Variants in ZNF420 observed in about 807,000 individuals in gnomAD.
ZNF420 encodes ATM and p53-associated KZNF protein.
Under a neutral mutation model 44.7 loss-of-function variants are expected in ZNF420, and 31 were observed. The ratio of observed to expected loss-of-function variants is 0.69; its 90% CI spans 0.52 to 0.94. The LOEUF (loss-of-function observed/expected upper bound fraction) is 0.94, where lower values mean the gene tolerates loss of function less well. Among genes scored for constraint, ZNF420 ranks in the 40% least tolerant of loss-of-function variants. The pLI is 0.00. For synonymous variants in ZNF420, 245 were observed against 267.4 expected, an observed-to-expected ratio of 0.92 and a Z score of 0.82; for missense variants, 681 against 827.9, an observed-to-expected ratio of 0.82 and a Z score of 2.18.
intron 4 of ZNF420, among the ~76,000 whole-genome samples, chr19:37,112,076 C>CA (rs1385233509): frequency 2.0e-5 from 3 of 152,020 alleles, no homozygotes; most frequent in African/African-American, 7.3e-5. Flanking sequence ...GTTTTGGTAG[C>CA]AGCCACTGAT....
In ZNF420 at chr19:37,091,111, G is replaced by C. The variant is rs571848573; in HGVS notation, c.126G>C (p.Leu42Phe). Residue 42 changes from leucine to phenylalanine, a missense_variant, in exon 4 of 5, where the codon TTG (leucine) becomes TTC (phenylalanine). Physicochemically the swap from Leu to Phe is conservative, Grantham distance 22. Around this residue, in one of 3 missense-constraint regions of ZNF420, gnomAD observed 350 missense variants for 382.5 expected, o/e 0.92. Coordinates refer to ENST00000337995, the MANE Select transcript of ZNF420 (RefSeq NM_144689.5). ...RDVMLENYSN[L>F]VSLDLPSRCA... Reference sequence around the variant, plus strand: ...TGATGTTGGAGAACTATAGCAACTTGGTATCACTAGGTAAGGAATCTAGCC... The same window carrying C: ...TGATGTTGGAGAACTATAGCAACTTCGTATCACTAGGTAAGGAATCTAGCC... 3.2e-6 allele frequency: 5 copies of C among 1,583,926 alleles called. No homozygotes were observed. The highest frequency in any genetic ancestry group is 2.7e-5 in the African/African-American group (2 of 73,464).
intron 4 of ZNF420, among the ~76,000 whole-genome samples, chr19:37,122,818 C>T (rs1971129655): frequency 6.6e-6 from 1 of 152,076 alleles, no homozygotes; most frequent in Admixed American, 6.5e-5. Context: ...CCTGGGTGAC[C>T]TCATCAAATC....
At position 37,127,820 on chromosome 19, in the gene ZNF420, A is replaced by G; in HGVS notation, c.829A>G (p.Lys277Glu). 6.2e-7 allele frequency: 1 copy of G among 1,613,862 alleles called. No homozygotes were observed. Among genetic ancestry groups the G allele is most frequent in the Non-Finnish European group, 8.5e-7 (1 of 1,179,924 alleles). Residue 277 changes from lysine (K) to glutamate (E), a missense_variant, in exon 5 of 5, where the codon AAG becomes GAG. Transcript: ENST00000337995. ...ACACCAGAGACTTCATACTGGTGAA[A>G]AGCTCTATGAATGTAAAGAATGTAG... is the stretch of plus-strand genomic sequence containing the variant. ...TLHQRLHTGE[K>E]LYECKECRKV...
At position 37,053,540 on chromosome 19, in the gene ZNF420, T is replaced by C. The variant is rs371786137; in HGVS notation, c.-124-26805T>C. 3.3e-3 allele frequency among the ~76,000 whole-genome samples: 503 copies of C among 152,350 alleles called. 5 individuals carry two copies. The highest frequency in any genetic ancestry group is 0.012 in the African/African-American group (481 of 41,584). ...TGGTGACATACCGATGGGGTTTTGG[T>C]GTGGATGTCCTTTCTGTTTGTTAGT... On this transcript the variant is annotated intron_variant, in intron 1 of 4. Coordinates refer to the ZNF420 transcript ENST00000587029.
chr19:37,059,026 C>A (rs1249184872), intron 1 of ZNF420, among the ~76,000 whole-genome samples: 1 of 152,362 alleles, frequency 6.6e-6, no homozygotes, highest in East Asian at 1.9e-4. Context: ...CGAGGCCCTG[C>A]CTGCCTCACC....
At chr19:37,017,041 G>A (rs985553615) in intron 1 of ZNF420, among the ~76,000 whole-genome samples, 3 of 152,154 alleles carry the variant, frequency 2.0e-5, no homozygotes. Flanking sequence ...ATATGAGCAG[G>A]TGACCACATA....
intron 1 of ZNF420, among the ~76,000 whole-genome samples, chr19:37,063,922 T>A (rs1967922379): frequency 6.6e-6 from 1 of 152,226 alleles, no homozygotes; most frequent in Admixed American, 6.5e-5. Flanking sequence ...GTCTCTTTAA[T>A]CTCCTTTAGT....
chr19:37,061,117 C>T (rs1967872391), intron 1 of ZNF420, among the ~76,000 whole-genome samples: 1 of 152,158 alleles, frequency 6.6e-6, no homozygotes. Context: ...CATGCCTGGA[C>T]ACCATTGTTT....
At chr19:37,121,237 A>G (rs1261236687) in intron 4 of ZNF420, among the ~76,000 whole-genome samples, 3 of 147,648 alleles carry the variant, frequency 2.0e-5, no homozygotes, top group Non-Finnish European at 4.5e-5. Context: ...CTACAAGGCT[A>G]CAGTAACCAA....
At chr19:37,105,111 C>G (rs926090250) in intron 4 of ZNF420, among the ~76,000 whole-genome samples, 23 of 152,226 alleles carry the variant, frequency 1.5e-4, no homozygotes, top group African/African-American at 5.5e-4. Flanking sequence ...AGGTTTTCTT[C>G]TAGGGTTTTT....
In ZNF420 at chr19:37,091,096, G is replaced by T; in HGVS notation, c.111G>T (p.Glu37Asp). Reference sequence around the variant, plus strand: ...ATTTGTATAGAGATGTGATGTTGGAGAACTATAGCAACTTGGTATCACTAG... The same window carrying T: ...ATTTGTATAGAGATGTGATGTTGGATAACTATAGCAACTTGGTATCACTAG... ...QRDLYRDVMLENYSNLVSLDL... is the reference protein window; with the variant it reads ...QRDLYRDVMLDNYSNLVSLDL... Residue 37 changes from glutamate to aspartate, a missense_variant, in exon 4 of 5, where the codon GAG becomes GAT. Physicochemically the swap from Glu to Asp is conservative, Grantham distance 45. Around this residue, in one of 3 missense-constraint regions of ZNF420, gnomAD observed 350 missense variants for 382.5 expected, o/e 0.92. Coordinates refer to ENST00000337995, the MANE Select transcript of ZNF420 (RefSeq NM_144689.5). 6 of 1,598,538 alleles carry T rather than the reference G, an allele frequency of 3.8e-6. No homozygotes were observed. Among genetic ancestry groups the T allele is most frequent in the Non-Finnish European group, 5.1e-6 (6 of 1,174,116 alleles).
chr19:37,127,476 C>G lies in ZNF420; in HGVS notation c.485C>G (p.Thr162Ser), dbSNP rs759439970. The change falls in exon 5 of 5, where the codon ACT (threonine) becomes AGT (serine). Residue 162 changes from threonine to serine, a missense_variant. Thr to Ser is a moderately conservative substitution (Grantham distance 58, BLOSUM62 1). Transcript: ENST00000337995. ...CTAACACAACATCAAAGTATTCATA[C>G]TGGTGAAAAACCCTATGAATGTAAG... is the stretch of plus-strand genomic sequence containing the variant. ...SHLTQHQSIHTGEKPYECKQC... is the reference protein window; with the variant it reads ...SHLTQHQSIHSGEKPYECKQC... The G allele has an allele frequency of 9.3e-6, 15 of 1,614,062 alleles. No individual in the cohort carries two copies. Among genetic ancestry groups the G allele is most frequent in the Non-Finnish European group, 1.2e-5 (14 of 1,179,962 alleles).
chr19:37,024,138 G>C (rs2074668507), intron 1 of ZNF420, among the ~76,000 whole-genome samples: 1 of 152,052 alleles, frequency 6.6e-6, no homozygotes, highest in East Asian at 1.9e-4. Flanking sequence ...TTATAACCCA[G>C]ACATAACCTA....
At chr19:37,072,133 C>T (rs1445399698) in intron 1 of ZNF420, among the ~76,000 whole-genome samples, 2 of 152,210 alleles carry the variant, frequency 1.3e-5, no homozygotes, top group Non-Finnish European at 2.9e-5. Flanking sequence ...CTTCCTCCCT[C>T]ACCAAGACTC....
rs760822618 is a variant in ZNF420 at position 37,127,213 on chromosome 19, C to G, written c.222C>G (p.Asp74Glu). 2 of 1,605,166 alleles carry G rather than the reference C, an allele frequency of 1.2e-6. No homozygotes were observed. Among genetic ancestry groups the G allele is most frequent in the South Asian group, 2.2e-5 (2 of 89,558 alleles). ...AATTATCCCAATGGGAAATGAGTGA[C>G]AGACTTGAAAACTGTGATCTTGAAG... ...ETELSQWEMSDRLENCDLEES... is the reference protein window; with the variant it reads ...ETELSQWEMSERLENCDLEES... Residue 74 changes from aspartate (D) to glutamate (E), a missense_variant, in exon 5 of 5, where the codon GAC becomes GAG. Transcript: ENST00000337995.
intron 1 of ZNF420, among the ~76,000 whole-genome samples, chr19:37,048,211 G>C (rs1967574956): frequency 6.6e-6 from 1 of 151,972 alleles, no homozygotes; most frequent in Non-Finnish European, 1.5e-5. Flanking sequence ...GACAATTATA[G>C]GAAAAAATTT....
chr19:37,115,903 G>A (rs1297664189), intron 4 of ZNF420, among the ~76,000 whole-genome samples: 1 of 152,136 alleles, frequency 6.6e-6, no homozygotes, highest in Non-Finnish European at 1.5e-5. Context: ...CTTGAGATTA[G>A]AGAATGGTGA....
intron 4 of ZNF420, among the ~76,000 whole-genome samples, chr19:37,102,451 C>G (rs957854946): frequency 2.0e-5 from 3 of 152,220 alleles, no homozygotes; most frequent in African/African-American, 7.2e-5. Flanking sequence ...ATAAGAGACT[C>G]TCCACCTAGA....
chr19:37,064,288 C>G (rs1967929173), intron 1 of ZNF420, among the ~76,000 whole-genome samples: 1 of 152,144 alleles, frequency 6.6e-6, no homozygotes, highest in Non-Finnish European at 1.5e-5. Flanking sequence ...ATCAAACTTT[C>G]AATTTATTAA....
Sources: allele counts gnomAD v4.1 joint callset (sites outside exome capture counted in the v4.1 genomes callset), GRCh38; gene constraint gnomAD v4.1.1; regional missense constraint gnomAD v4.1.1; transcripts MANE v1.5; gene names NCBI Gene and HGNC (gene_info 2026-07-23, HGNC 2026-07-21).